The following FNDC7 variants were observed in gnomAD, a reference collection of about 807,000 sequenced individuals.
The protein encoded by FNDC7 is fibronectin type III domain-containing protein 7.
FNDC7 carries 66 observed loss-of-function variants against 74.2 expected under a neutral mutation model. The observed-to-expected ratio is 0.89, with a 90% CI of 0.73 to 1.09. The LOEUF is 1.09. FNDC7 is among the 50% of genes least tolerant of loss of function. The pLI, the probability that FNDC7 is intolerant of heterozygous loss-of-function variation, is 0.00. For synonymous variants in FNDC7, 307 were observed against 330.2 expected (o/e 0.93, Z 0.76); for missense variants, 829 against 893.4 (o/e 0.93, Z 0.92).
intron 7 of FNDC7, 86 bp from the exon 8 acceptor site, chr1:108,728,546 C>CT: frequency 1.3e-6 from 2 of 1,530,866 alleles, no homozygotes; most frequent in African/African-American, 1.4e-5. Flanking sequence ...GATGATCTCA[C>CT]TGGGGGCAAA....
chr1:108,732,085 C>T (rs760743071), intron 9 of FNDC7, among the ~76,000 whole-genome samples: 12 of 152,094 alleles, frequency 7.9e-5, no homozygotes, highest in Non-Finnish European at 2.9e-5. Flanking sequence ...AGTGGCCTGG[C>T]GCGGTGGCTC....
At chr1:108,729,024 G>A (rs576738734) in intron 8 of FNDC7, 138 bp downstream of exon 8, 127 of 1,082,468 alleles carry the variant, frequency 1.2e-4, no homozygotes, top group Non-Finnish European at 1.5e-4. Context: ...AAGAGTCCCG[G>A]TCATAGACAA....
rs1375801647 is a variant in FNDC7, at chr1:108,717,945, AG to A, written c.253del (p.Ala85LeufsTer35). 1.3e-6 allele frequency: 2 copies of A among 1,551,766 alleles called. No homozygotes were observed. Among genetic ancestry groups the A allele is most frequent in the African/African-American group, 2.7e-5 (2 of 73,176 alleles). On this transcript the variant is annotated frameshift_variant, in exon 3 of 13. Coordinates refer to ENST00000370017, the MANE Select transcript of FNDC7 (RefSeq NM_001144937.3). LOFTEE classifies it high-confidence loss of function. ...TCCCCAGGCACTGTGACGGGACTAA[AG>A]GCTGCAACCTGGTATGAAATCACCA... is the stretch of plus-strand genomic sequence containing the variant. ...ANSPGTVTGL[K>X]AATWYEITIR...
chr1:108,722,266 A>G (rs1661106380), intron 4 of FNDC7, 69 bp from the exon 5 acceptor site: 1 of 1,422,408 alleles, frequency 7.0e-7, no homozygotes, highest in Non-Finnish European at 9.3e-7. Flanking sequence ...GCTCTGCAAC[A>G]TTGTTATGCC....
In FNDC7 at chr1:108,716,503, A is replaced by T. The variant is rs76578341; in HGVS notation, c.83-1274A>T. Among the ~76,000 whole-genome samples the T allele has an allele frequency of 7.2e-4, 109 of 152,212 alleles. 1 individual carries two copies. In the East Asian group the frequency reaches 0.017, roughly 24 times the overall value. On this transcript the variant is annotated intron_variant, in intron 2 of 12. Transcript: ENST00000370017. ...AGCAGGCCTGAGATTTTCCTCCAGCATATATAAGTGTCATAATTTTCTTTC... is the reference window on the plus strand; with the variant it reads ...AGCAGGCCTGAGATTTTCCTCCAGCTTATATAAGTGTCATAATTTTCTTTC...
At chr1:108,726,765 AC>A (rs2101083130) in intron 6 of FNDC7, among the ~76,000 whole-genome samples, 1 of 152,362 alleles carries the variant, frequency 6.6e-6, no homozygotes, top group East Asian at 1.9e-4. Flanking sequence ...TAACTACATT[AC>A]AAATAAGAAT....
chr1:108,724,648 C>A (rs954150915), intron 5 of FNDC7, among the ~76,000 whole-genome samples: 3 of 151,274 alleles, frequency 2.0e-5, no homozygotes, highest in Non-Finnish European at 4.4e-5. Context: ...CAGCTACTCA[C>A]GAGGCTGAGG....
chr1:108,740,612 G>A (rs1661622221), intron 11 of FNDC7, among the ~76,000 whole-genome samples: 1 of 152,144 alleles, frequency 6.6e-6, no homozygotes, highest in African/African-American at 2.4e-5. Context: ...ACAGGCGTGA[G>A]CCACCGCACC....
chr1:108,723,231 A>G (rs1362886017), intron 5 of FNDC7, among the ~76,000 whole-genome samples: 1 of 152,028 alleles, frequency 6.6e-6, no homozygotes, highest in Non-Finnish European at 1.5e-5. Flanking sequence ...GGTGGGTTCT[A>G]TTTTCTCTTT....
Position 108,735,991 on chromosome 1 carries a change from A to G in FNDC7, c.2141-1504A>G, listed in dbSNP as rs527311292. ...TGGCTAATTTTTAAAATTTTTTTGT[A>G]GAGACAAGGTCTTGCTTTGTTGCCC... is the stretch of plus-strand genomic sequence containing the variant. On this transcript the variant is annotated intron_variant, in intron 10 of 12. Transcript: ENST00000370017. Among the ~76,000 whole-genome samples the G allele has an allele frequency of 9.9e-5, 15 of 152,180 alleles. No homozygotes were observed. The South Asian group carries it at 3.1e-3, about 32-fold the overall frequency.
At chr1:108,729,202 G>T (rs951752481) in intron 8 of FNDC7, among the ~76,000 whole-genome samples, 3 of 152,194 alleles carry the variant, frequency 2.0e-5, no homozygotes, top group Non-Finnish European at 4.4e-5. Flanking sequence ...GTAGCCAAAT[G>T]AGCTGGGTTG....
At position 108,725,943 on chromosome 1, in the gene FNDC7, T is replaced by C; in HGVS notation, c.1050T>C (p.Ser350=). Residue 350 remains serine, a synonymous_variant, in exon 6 of 13, where the codon AGT becomes AGC. Transcript: ENST00000370017. ...AGTGTGGCTTCACTTATTTTATTAG[T>C]GTTTTTGTCTATAACAAGGCAGGGC... The part of the protein sequence containing the change: ...LSECGFTYFI[S]VFVYNKAGQS... 1 of 1,614,134 alleles carries C rather than the reference T, an allele frequency of 6.2e-7. No homozygotes were observed. Among genetic ancestry groups the C allele is most frequent in the African/African-American group, 1.3e-5 (1 of 75,010 alleles).
intron 4 of FNDC7, among the ~76,000 whole-genome samples, chr1:108,719,674 C>G (rs1449380082): frequency 6.6e-6 from 1 of 151,962 alleles, no homozygotes; most frequent in Admixed American, 6.6e-5. Flanking sequence ...ACCTAGAGGT[C>G]CCCCGAGCAA....
chr1:108,722,866 G>A (rs1402912576), intron 5 of FNDC7, among the ~76,000 whole-genome samples: 6 of 152,130 alleles, frequency 3.9e-5, no homozygotes, highest in African/African-American at 1.4e-4. Flanking sequence ...CCTTTGTAAA[G>A]CTGTGAAAAT....
chr1:108,739,204 T>A, intron 11 of FNDC7, among the ~76,000 whole-genome samples: 1 of 151,116 alleles, frequency 6.6e-6, no homozygotes, highest in Non-Finnish European at 1.5e-5. Flanking sequence ...ACACAAAAGG[T>A]GGGGTGGCAA....
chr1:108,735,489 C>T (rs952414705), intron 10 of FNDC7, among the ~76,000 whole-genome samples: 3 of 152,080 alleles, frequency 2.0e-5, no homozygotes, highest in Admixed American at 6.5e-5. Flanking sequence ...CTTATACCTG[C>T]ACTGTTCAAT....
In FNDC7 at chr1:108,717,870, T is replaced by C. The variant is rs774082362; in HGVS notation, c.176T>C (p.Leu59Pro). ...WATVPGATSYLLTAEDGDTVI... is the reference protein window; with the variant it reads ...WATVPGATSYPLTAEDGDTVI... ...ACAGTGCCGGGTGCCACCAGTTACC[T>C]CCTCACGGCTGAAGACGGGGACACA... Residue 59 changes from leucine (L) to proline (P), a missense_variant, in exon 3 of 13, where the codon CTC (leucine) becomes CCC (proline). Transcript: ENST00000370017. The C allele has an allele frequency of 1.1e-4, 164 of 1,551,558 alleles. 1 individual carries two copies. The highest frequency in any genetic ancestry group is 1.4e-4 in the Non-Finnish European group (158 of 1,146,996).
intron 7 of FNDC7, 62 bp from the exon 8 acceptor site, chr1:108,728,570 C>T (rs1661270182): frequency 8.1e-6 from 13 of 1,596,136 alleles, no homozygotes; most frequent in Non-Finnish European, 1.1e-5. Context: ...AGTTTTAGAC[C>T]AAATGGCACA....
At chr1:108,721,265 C>G (rs1346022257) in intron 4 of FNDC7, among the ~76,000 whole-genome samples, 1 of 152,098 alleles carries the variant, frequency 6.6e-6, no homozygotes, top group Non-Finnish European at 1.5e-5. Flanking sequence ...GTCAGGAGAT[C>G]AAGAACATCC....
Sources: allele counts gnomAD v4.1 joint callset (sites outside exome capture counted in the v4.1 genomes callset), GRCh38; gene constraint gnomAD v4.1.1; transcripts MANE v1.5; gene names NCBI Gene and HGNC (gene_info 2026-07-23, HGNC 2026-07-21).